ACOT11: variants seen among roughly 807,000 people sequenced by gnomAD.
ACOT11 encodes the protein acyl-coenzyme A thioesterase 11.
In ACOT11, 69 loss-of-function variants were observed where a neutral mutation model predicts 77.5. The ratio of observed to expected loss-of-function variants is 0.89; its 90% CI spans 0.73 to 1.09. The LOEUF is 1.09. Among genes scored for constraint, ACOT11 ranks in the 50% least tolerant of loss-of-function variants. The probability of loss-of-function intolerance (pLI) is 0.00; values close to 1 mark genes in which losing one functional copy is unlikely to be tolerated. For synonymous variants in ACOT11, 279 were observed against 313.0 expected (o/e 0.89, Z 1.15); for missense variants, 766 against 813.7 (o/e 0.94, Z 0.71).
downstream of ACOT11, chr1:54,614,613 C>T (rs182802782): frequency 1.0e-4 from 146 of 1,391,854 alleles, no homozygotes; most frequent in African/African-American, 1.7e-3. Context: ...TGGAGACAAA[C>T]TCAGAGGTCC....
intron 11 of ACOT11, 39 bp from the exon 12 acceptor site, chr1:54,604,307 A>G: frequency 6.3e-7 from 1 of 1,592,876 alleles, no homozygotes; most frequent in Non-Finnish European, 8.6e-7. Context: ...CCCTGAAGGA[A>G]GGGGGTGGGG....
rs1376752868 is a variant in ACOT11 at position 54,609,403 on chromosome 1, G to C, written c.*291G>C. The C allele has an allele frequency of 6.2e-7, 1 of 1,614,068 alleles. No homozygotes were observed. Among genetic ancestry groups the C allele is most frequent in the African/African-American group, 1.3e-5 (1 of 75,082 alleles). On this transcript the variant is annotated 3_prime_UTR_variant, in exon 16 of 16. Coordinates refer to ENST00000343744, the MANE Select transcript of ACOT11 (RefSeq NM_147161.4). ...AGGCATAGTCGCCCCCAGCTGGGTT[G>C]TGCTCCACTGTGACGGTGGCCCGGG...
intron 1 of ACOT11, among the ~76,000 whole-genome samples, chr1:54,583,160 C>T (rs1357802379): frequency 6.6e-6 from 1 of 152,162 alleles, no homozygotes; most frequent in African/African-American, 2.4e-5. Flanking sequence ...CAGCCTGGCA[C>T]CCTGCAGGCC....
At chr1:54,611,763 G>A, downstream of ACOT11, 2 of 1,613,756 alleles carry the variant, frequency 1.2e-6, no homozygotes, top group Non-Finnish European at 1.7e-6. Context: ...CACGAGAGCT[G>A]GCTCAGTGCC....
chr1:54,562,475 G>T (rs549869739), intron 1 of ACOT11, among the ~76,000 whole-genome samples: 1 of 82,634 alleles, frequency 1.2e-5, no homozygotes, highest in Non-Finnish European at 2.5e-5. Flanking sequence ...CGGACGGCAC[G>T]GCTGGCCAGG....
chr1:54,568,193 C>T (rs570581660), intron 1 of ACOT11, among the ~76,000 whole-genome samples: 7 of 152,204 alleles, frequency 4.6e-5, no homozygotes, highest in African/African-American at 1.7e-4. Context: ...GCCAGGAAGC[C>T]TCTTTGATTA....
In ACOT11 at chr1:54,626,850, A is replaced by C. The variant is rs1014677506; in HGVS notation, c.1630-3884A>C. ...TTTGTGACACTCTTATGAAGGAGGC[A>C]TTCTTTTATTTATTTATTTATTTTT... is the stretch of plus-strand genomic sequence containing the variant. On this transcript the variant is annotated intron_variant, in intron 15 of 16. Coordinates refer to the ACOT11 transcript ENST00000371316. 3.0e-5 allele frequency among the ~76,000 whole-genome samples: 4 copies of C among 131,590 alleles called. 1 individual carries two copies. Among genetic ancestry groups the C allele is most frequent in the Non-Finnish European group, 7.0e-5 (4 of 57,548 alleles). 86.3% of individuals were successfully genotyped at this position (131,590 alleles called of 152,430 possible). A position where few individuals can be genotyped will look rare whatever the true frequency, so the allele number is the denominator to read the frequency against.
chr1:54,604,481 C>T (rs1051569598), intron 12 of ACOT11, 52 bp downstream of exon 12: 3 of 1,537,606 alleles, frequency 2.0e-6, no homozygotes, highest in African/African-American at 2.7e-5. Flanking sequence ...CCAGAGGTGG[C>T]TAATGGCAAG....
chr1:54,603,577 A>T (rs1184032478), intron 10 of ACOT11, among the ~76,000 whole-genome samples: 1 of 152,168 alleles, frequency 6.6e-6, no homozygotes, highest in Non-Finnish European at 1.5e-5. Context: ...AGGACACAGC[A>T]GCACCAGGGT....
chr1:54,561,777 G>A (rs1569650972), intron 1 of ACOT11, among the ~76,000 whole-genome samples: 3 of 108,578 alleles, frequency 2.8e-5, no homozygotes, highest in African/African-American at 3.9e-5. Flanking sequence ...CTGGCCGGGC[G>A]GGGGGCTGAC....
Position 54,609,660 on chromosome 1 carries a change from C to G in ACOT11, c.*548C>G. On this transcript the variant is annotated 3_prime_UTR_variant, in exon 16 of 16. Transcript: ENST00000343744. Reference sequence around the variant, plus strand: ...AGCAGCTCTCTGCCAGCCACATGGCCGGGGACCGAAAAACTCCCGTGGGAG... The same window carrying G: ...AGCAGCTCTCTGCCAGCCACATGGCGGGGGACCGAAAAACTCCCGTGGGAG... 6 of 1,613,976 alleles carry G rather than the reference C, an allele frequency of 3.7e-6. No individual in the cohort carries two copies. Among genetic ancestry groups the G allele is most frequent in the South Asian group, 1.1e-5 (1 of 91,092 alleles).
At chr1:54,625,177 T>C (rs1297965160) in intron 15 of ACOT11, among the ~76,000 whole-genome samples, 2 of 152,150 alleles carry the variant, frequency 1.3e-5, no homozygotes, top group Non-Finnish European at 2.9e-5. Context: ...GAGCCCAGGC[T>C]CAATTCTCAG....
intron 15 of ACOT11, among the ~76,000 whole-genome samples, chr1:54,629,354 T>G (rs946495666): frequency 7.7e-6 from 1 of 129,796 alleles, no homozygotes; most frequent in Non-Finnish European, 1.7e-5. Context: ...TGGCGCGATC[T>G]CGGCTCACTG....
chr1:54,583,091 G>A (rs754390088), intron 1 of ACOT11, among the ~76,000 whole-genome samples: 1 of 152,050 alleles, frequency 6.6e-6, no homozygotes, highest in South Asian at 2.1e-4. Flanking sequence ...CATGGCGATG[G>A]GTCCTGCTGC....
chr1:54,557,936 A>G (rs1238524034), intron 1 of ACOT11, among the ~76,000 whole-genome samples: 1 of 152,178 alleles, frequency 6.6e-6, no homozygotes, highest in Non-Finnish European at 1.5e-5. Context: ...AAAAGTGGGC[A>G]TCTTTGTTTT....
In ACOT11 at chr1:54,609,646, G is replaced by C. The variant is rs1557668179; in HGVS notation, c.*534G>C. The C allele has an allele frequency of 3.7e-6, 6 of 1,613,912 alleles. No homozygotes were observed. The highest frequency in any genetic ancestry group is 5.1e-6 in the Non-Finnish European group (6 of 1,180,048). On this transcript the variant is annotated 3_prime_UTR_variant, in exon 16 of 16. Transcript: ENST00000343744. ...CAGCCACAGCTGTAAGCAGCTCTCT[G>C]CCAGCCACATGGCCGGGGACCGAAA...
chr1:54,569,528 C>T (rs1399295049), intron 1 of ACOT11, among the ~76,000 whole-genome samples: 1 of 152,194 alleles, frequency 6.6e-6, no homozygotes, highest in Non-Finnish European at 1.5e-5. Flanking sequence ...GGGCCTCATG[C>T]TGCCTGCCAA....
rs897634171 is a variant in ACOT11 at position 54,627,505 on chromosome 1, A to G, written c.1630-3229A>G. Among the ~76,000 whole-genome samples the G allele has an allele frequency of 5.2e-5, 7 of 135,712 alleles. 1 individual carries two copies. Among genetic ancestry groups the G allele is most frequent in the African/African-American group, 1.8e-4 (7 of 39,778 alleles). 89.0% of individuals were successfully genotyped at this position (135,712 alleles called of 152,430 possible). A position where few individuals can be genotyped will look rare whatever the true frequency, so the allele number is the denominator to read the frequency against. On this transcript the variant is annotated intron_variant, in intron 15 of 16. Coordinates refer to the ACOT11 transcript ENST00000371316. ...AGTTACTGAGCATGCATTCTGTGCC[A>G]GGCACTGTGCTAGGCTCTGGGGATC...
At chr1:54,550,189 CA>C (rs746735779) in intron 1 of ACOT11, among the ~76,000 whole-genome samples, 3 of 152,200 alleles carry the variant, frequency 2.0e-5, no homozygotes, top group Non-Finnish European at 1.5e-5. Context: ...GCCTGAGGCT[CA>C]GCCAGATGAA....
Sources: gnomAD v4.1 joint callset for allele counts (sites outside exome capture counted in the v4.1 genomes callset) on GRCh38, gnomAD v4.1.1 for gene constraint, MANE v1.5 for transcripts, NCBI Gene and HGNC (gene_info 2026-07-23, HGNC 2026-07-21) for gene names.